GREB1L: variants seen among roughly 807,000 people sequenced by gnomAD.
The protein encoded by GREB1L is GREB1-like protein.
In GREB1L, 17 loss-of-function variants were observed where a neutral mutation model predicts 200.8. That is an observed-to-expected ratio of 0.08 (90% CI 0.06 to 0.13). The LOEUF (loss-of-function observed/expected upper bound fraction) is 0.13, where lower values mean the gene tolerates loss of function less well. Among genes scored for constraint, GREB1L ranks in the 10% least tolerant of loss-of-function variants. The pLI, the probability that GREB1L is intolerant of heterozygous loss-of-function variation, is 1.00. For synonymous variants in GREB1L, 789 were observed against 893.0 expected, an observed-to-expected ratio of 0.88 and a Z score of 2.08; for missense variants, 1,657 against 2,367.7, an observed-to-expected ratio of 0.70 and a Z score of 6.23.
intron 1 of GREB1L, among the ~76,000 whole-genome samples, chr18:21,362,878 C>T (rs144901188): frequency 2.0e-5 from 3 of 152,276 alleles, no homozygotes; most frequent in Admixed American, 6.5e-5. Flanking sequence ...CTACAGCTTC[C>T]CTGTCATTAG....
At chr18:21,319,516 G>A (rs896095980) in intron 1 of GREB1L, among the ~76,000 whole-genome samples, 4 of 152,226 alleles carry the variant, frequency 2.6e-5, no homozygotes, top group African/African-American at 9.6e-5. Context: ...TAGAATTAGT[G>A]TAATTAGCTG....
At chr18:21,471,599 G>GT (rs1157877265) in intron 15 of GREB1L, among the ~76,000 whole-genome samples, 2 of 149,842 alleles carry the variant, frequency 1.3e-5, no homozygotes, top group Non-Finnish European at 2.9e-5. Context: ...GGTTGAATGA[G>GT]TTTTTTCCTC....
chr18:21,427,212 AGT>A (rs1269440501), intron 7 of GREB1L, among the ~76,000 whole-genome samples: 5 of 152,050 alleles, frequency 3.3e-5, no homozygotes, highest in African/African-American at 1.2e-4. Flanking sequence ...TTATTTCAAC[AGT>A]GTTTTGTGGC....
chr18:21,468,366 T>G (rs1445390590), intron 15 of GREB1L, among the ~76,000 whole-genome samples: 1 of 152,154 alleles, frequency 6.6e-6, no homozygotes, highest in East Asian at 1.9e-4. Context: ...TAGACTGTGA[T>G]TGCCTAGGGA....
chr18:21,503,393 G>C (rs1241820803), intron 23 of GREB1L, among the ~76,000 whole-genome samples: 2 of 151,604 alleles, frequency 1.3e-5, no homozygotes, highest in Non-Finnish European at 2.9e-5. Flanking sequence ...TTTTAGTAGA[G>C]GTGAGGTTTC....
chr18:21,389,598 A>G (rs1181979463), intron 4 of GREB1L, among the ~76,000 whole-genome samples: 6 of 152,116 alleles, frequency 3.9e-5, no homozygotes, highest in South Asian at 4.1e-4. Flanking sequence ...TCTCTTCCCT[A>G]GAAAATCCTG....
intron 1 of GREB1L, among the ~76,000 whole-genome samples, chr18:21,340,692 G>A (rs1303047051): frequency 2.6e-5 from 4 of 151,694 alleles, no homozygotes; most frequent in Non-Finnish European, 5.9e-5. Flanking sequence ...ACAGGCGCAC[G>A]CCACCATGCC....
At chr18:21,516,500 T>C (rs1041374305) in intron 29 of GREB1L, 113 bp from the exon 30 acceptor site, 3 of 1,032,418 alleles carry the variant, frequency 2.9e-6, no homozygotes, top group Admixed American at 5.2e-5. Flanking sequence ...CACAAAAGCA[T>C]GGTTGATTAT....
In GREB1L at chr18:21,510,087, G is replaced by A. The variant is rs183275712; in HGVS notation, c.4735+1496G>A. The stretch of plus-strand genomic sequence containing the variant: ...AAATTAGCTGGGTGTGGTGGTGTGC[G>A]CCTGTAATACCAGCTACTCAGGAGT... On this transcript the variant is annotated intron_variant, in intron 27 of 32. Coordinates refer to ENST00000424526, the MANE Select transcript of GREB1L (RefSeq NM_001142966.3). Among the ~76,000 whole-genome samples the A allele has an allele frequency of 1.2e-3, 175 of 151,742 alleles. 1 individual carries two copies. The Middle Eastern group carries it at 0.014, about 12-fold the overall frequency.
At chr18:21,328,217 C>G (rs977386949) in intron 1 of GREB1L, among the ~76,000 whole-genome samples, 2 of 151,710 alleles carry the variant, frequency 1.3e-5, no homozygotes, top group Non-Finnish European at 2.9e-5. Context: ...ACTGTGTGTG[C>G]TCCTCTATGA....
At chr18:21,377,280 TA>T (rs2040112755) in intron 2 of GREB1L, among the ~76,000 whole-genome samples, 1 of 149,926 alleles carries the variant, frequency 6.7e-6, no homozygotes, top group Admixed American at 6.7e-5. Context: ...AAAAAAAGAG[TA>T]GCTTGGGAAA....
At chr18:21,489,825 A>G (rs1488946209) in intron 18 of GREB1L, among the ~76,000 whole-genome samples, 187 bp from the exon 19 acceptor site, 1 of 152,182 alleles carries the variant, frequency 6.6e-6, no homozygotes, top group Non-Finnish European at 1.5e-5. Flanking sequence ...GTTGATTCAC[A>G]TGCTTTGGAA....
chr18:21,409,216 A>G (rs189775955), intron 7 of GREB1L, among the ~76,000 whole-genome samples: 1 of 152,254 alleles, frequency 6.6e-6, no homozygotes. Context: ...AACTGTCGAC[A>G]TAAGCTATGT....
chr18:21,283,902 T>C (rs2038312156), intron 1 of GREB1L, among the ~76,000 whole-genome samples: 1 of 152,238 alleles, frequency 6.6e-6, no homozygotes. Flanking sequence ...TCCTCTGTGC[T>C]ATAGCCAGGG....
chr18:21,347,183 C>T (rs2039358827), intron 1 of GREB1L, among the ~76,000 whole-genome samples: 1 of 151,494 alleles, frequency 6.6e-6, no homozygotes, highest in Non-Finnish European at 1.5e-5. Context: ...GAGGCTGAGA[C>T]AGGAGAATTG....
rs77432832 is a variant in GREB1L, at chr18:21,485,485, T to A, written c.2557-135T>A. Reference sequence around the variant, plus strand: ...ACTGCAGAGTTGGTGTCGGGTTACATAATGAAACAGTATTTTTTCTTACTT... The same window carrying A: ...ACTGCAGAGTTGGTGTCGGGTTACAAAATGAAACAGTATTTTTTCTTACTT... On this transcript the variant is annotated intron_variant, in intron 17 of 32. Coordinates refer to ENST00000424526, the MANE Select transcript of GREB1L (RefSeq NM_001142966.3). 1.7e-4 allele frequency: 117 copies of A among 706,814 alleles called. 1 individual carries two copies. In the African/African-American group the frequency reaches 1.9e-3, roughly 11 times the overall value. 43.8% of individuals were successfully genotyped at this position (706,814 alleles called of 1,614,324 possible).
At chr18:21,502,523 C>G (rs1029310289) in intron 23 of GREB1L, among the ~76,000 whole-genome samples, 1 of 152,144 alleles carries the variant, frequency 6.6e-6, no homozygotes, top group Admixed American at 6.5e-5. Context: ...TAGGGCCGAG[C>G]AAGAGTAGGT....
rs1225777189 is a variant in GREB1L at position 21,525,770 on chromosome 18, T to G, written c.*2949T>G. ...TGCTGTTATTGTAGTATGAATTATA[T>G]CTTCTTAAAAAATTTTACCAACTTT... On this transcript the variant is annotated 3_prime_UTR_variant, in exon 33 of 33. Transcript: ENST00000424526. Among the ~76,000 whole-genome samples, 1 of 152,252 alleles carries G rather than the reference T, an allele frequency of 6.6e-6. No homozygotes were observed. Among genetic ancestry groups the G allele is most frequent in the African/African-American group, 2.4e-5 (1 of 41,470 alleles).
intron 1 of GREB1L, among the ~76,000 whole-genome samples, chr18:21,351,528 G>C (rs1414818123): frequency 1.3e-5 from 2 of 151,590 alleles, no homozygotes; most frequent in Admixed American, 6.6e-5. Context: ...AGCCGAGATC[G>C]TGCCACTGCA....
Sources: gnomAD v4.1 joint callset for allele counts (sites outside exome capture counted in the v4.1 genomes callset) on GRCh38, gnomAD v4.1.1 for gene constraint, MANE v1.5 for transcripts, NCBI Gene and HGNC (gene_info 2026-07-23, HGNC 2026-07-21) for gene names.